SIPA1L3: variants seen among roughly 807,000 people sequenced by gnomAD.
SIPA1L3 encodes signal-induced proliferation-associated 1-like protein 3.
In SIPA1L3, 59 loss-of-function variants were observed where a neutral mutation model predicts 150.1. The observed-to-expected ratio is 0.39, with a 90% CI of 0.32 to 0.49. The LOEUF is 0.49. Among genes scored for constraint, SIPA1L3 ranks in the 20% least tolerant of loss-of-function variants. SIPA1L3 has a pLI of 0.86. For missense variants in SIPA1L3, 2,211 were observed against 2,489.5 expected (o/e 0.89, Z 2.38); for synonymous variants, 1,070 against 1,077.6 (o/e 0.99, Z 0.14).
chr19:38,117,346 G>T (rs764394285), intron 8 of SIPA1L3, among the ~76,000 whole-genome samples: 4 of 152,184 alleles, frequency 2.6e-5, no homozygotes, highest in Non-Finnish European at 5.9e-5. Context: ...GGGGCTGGGC[G>T]CAGTGGTTCA....
intron 1 of SIPA1L3, among the ~76,000 whole-genome samples, chr19:37,949,359 A>G (rs150974318): frequency 1.3e-5 from 2 of 152,298 alleles, no homozygotes; most frequent in African/African-American, 2.4e-5. Flanking sequence ...GTACATGCAC[A>G]GTTTTCATTC....
rs1237439140 is a variant in SIPA1L3 at position 38,123,270 on chromosome 19, TTTG to T, written c.2868+3391_2868+3393del. Among the ~76,000 whole-genome samples the T allele has an allele frequency of 2.4e-4, 35 of 148,760 alleles. 1 individual carries two copies. Among genetic ancestry groups the T allele is most frequent in the African/African-American group, 7.8e-4 (31 of 39,730 alleles). On this transcript the variant is annotated intron_variant, in intron 9 of 21. Coordinates refer to ENST00000222345, the MANE Select transcript of SIPA1L3 (RefSeq NM_015073.3). Reference sequence around the variant, plus strand: ...GTTTTGGAGTTTTTTTTTTGTTTTTTTTGTTTTTTTTTTAATTGATCATTCTTG... The same window carrying T: ...GTTTTGGAGTTTTTTTTTTGTTTTTTTTTTTTTTTTAATTGATCATTCTTG...
At chr19:37,913,629 C>G (rs1414570896) in intron 1 of SIPA1L3, among the ~76,000 whole-genome samples, 1 of 151,942 alleles carries the variant, frequency 6.6e-6, no homozygotes, top group Non-Finnish European at 1.5e-5. Context: ...CTCCTGACCT[C>G]AGGTGATCTG....
At chr19:37,985,436 G>A (rs775166700) in intron 1 of SIPA1L3, among the ~76,000 whole-genome samples, 31 of 152,140 alleles carry the variant, frequency 2.0e-4, no homozygotes, top group Non-Finnish European at 4.0e-4. Context: ...GCTGAGACAG[G>A]AGGATCACTT....
At chr19:38,070,545 T>C (rs1443840568) in intron 2 of SIPA1L3, among the ~76,000 whole-genome samples, 1 of 152,164 alleles carries the variant, frequency 6.6e-6, no homozygotes, top group African/African-American at 2.4e-5. Context: ...AGTAAATGAA[T>C]GGATTTCGAG....
intron 14 of SIPA1L3, 57 bp downstream of exon 14, chr19:38,162,428 C>A: frequency 7.8e-7 from 1 of 1,279,814 alleles, no homozygotes; most frequent in Non-Finnish European, 1.1e-6. Context: ...TGGGTGTGGC[C>A]TCTGAGCTTC....
rs1969078080 is a variant in SIPA1L3 at position 38,047,179 on chromosome 19, T to G, written c.-311+18023T>G. The stretch of plus-strand genomic sequence containing the variant: ...GGATTTGAACCCAGACCATCTGGCT[T>G]CATAATCACTCTGCTATACTTCCTG... On this transcript the variant is annotated intron_variant, in intron 2 of 21. Transcript: ENST00000222345. This position sits in a 1 kb window ranked among gnomAD's most constrained non-coding sequence, Gnocchi z 4.7. Among the ~76,000 whole-genome samples, 1 of 152,098 alleles carries G rather than the reference T, an allele frequency of 6.6e-6. No homozygotes were observed. Among genetic ancestry groups the G allele is most frequent in the Non-Finnish European group, 1.5e-5 (1 of 68,004 alleles).
chr19:37,970,756 A>G (rs1175755058), intron 1 of SIPA1L3, among the ~76,000 whole-genome samples: 1 of 152,240 alleles, frequency 6.6e-6, no homozygotes, highest in Non-Finnish European at 1.5e-5. Context: ...CTAGAGAGTC[A>G]CAACTACCTT....
chr19:38,188,637 T>C (rs1361199019), intron 16 of SIPA1L3, among the ~76,000 whole-genome samples: 2 of 152,002 alleles, frequency 1.3e-5, no homozygotes, highest in East Asian at 3.9e-4. Context: ...AAAGTAAGCC[T>C]CTCGGCCAGG....
intron 1 of SIPA1L3, among the ~76,000 whole-genome samples, chr19:37,973,243 T>TTC (rs1966984851): frequency 6.6e-6 from 1 of 150,612 alleles, no homozygotes; most frequent in African/African-American, 2.4e-5. Context: ...ATCTTTTTTT[T>TTC]TTTTTTTTTT....
chr19:37,999,009 A>C (rs201500097), intron 1 of SIPA1L3, among the ~76,000 whole-genome samples: 24 of 138,904 alleles, frequency 1.7e-4, no homozygotes, highest in African/African-American at 5.8e-4. Context: ...ACACACACAC[A>C]CACCCACACA....
At chr19:38,053,802 G>A (rs1226453146) in intron 2 of SIPA1L3, among the ~76,000 whole-genome samples, 4 of 151,984 alleles carry the variant, frequency 2.6e-5, no homozygotes, top group Non-Finnish European at 5.9e-5. Context: ...CTGGGCTCAG[G>A]TGATCCTCTC....
chr19:38,101,389 G>A (rs555523078), intron 6 of SIPA1L3, among the ~76,000 whole-genome samples, 163 bp downstream of exon 6: 28 of 152,212 alleles, frequency 1.8e-4, no homozygotes, highest in African/African-American at 5.5e-4. Context: ...TTATTTTTTC[G>A]TGTTGTTGTA....
chr19:38,126,990 C>T (rs111882616), intron 9 of SIPA1L3, among the ~76,000 whole-genome samples: 13 of 151,986 alleles, frequency 8.6e-5, no homozygotes, highest in African/African-American at 2.9e-4. Flanking sequence ...GTCAGGATTT[C>T]GACACCAGCC....
At chr19:38,092,370 T>TAA (rs528197351) in intron 4 of SIPA1L3, among the ~76,000 whole-genome samples, 15 of 144,592 alleles carry the variant, frequency 1.0e-4, no homozygotes, top group Admixed American at 3.5e-4. Context: ...AGTATAATAT[T>TAA]AAAAAAAAAA....
Position 38,193,724 on chromosome 19 carries a change from C to T in SIPA1L3, c.4784C>T (p.Pro1595Leu), listed in dbSNP as rs763198564. ...PARRQHQHPH[P>L]PVGPGATPAA... Reference sequence around the variant, plus strand: ...CGCCGCCAGCACCAGCACCCCCACCCGCCCGTCGGCCCCGGTGCCACCCCT... The same window carrying T: ...CGCCGCCAGCACCAGCACCCCCACCTGCCCGTCGGCCCCGGTGCCACCCCT... Residue 1595 changes from proline to leucine, a missense_variant, in exon 18 of 22, where the codon CCG becomes CTG. This residue lies in a region of SIPA1L3 where 806 missense variants were observed against 870.1 expected (regional missense o/e 0.93). Coordinates refer to ENST00000222345, the MANE Select transcript of SIPA1L3 (RefSeq NM_015073.3). The T allele has an allele frequency of 7.7e-6, 12 of 1,566,330 alleles. No individual in the cohort carries two copies. The highest frequency in any genetic ancestry group is 1.8e-5 in the Admixed American group (1 of 55,498).
chr19:38,089,141 G>A (rs1250956516), intron 4 of SIPA1L3, among the ~76,000 whole-genome samples: 1 of 151,920 alleles, frequency 6.6e-6, no homozygotes, highest in East Asian at 1.9e-4. Context: ...CCAACATGGC[G>A]AAACCCCATC....
intron 6 of SIPA1L3, among the ~76,000 whole-genome samples, chr19:38,103,048 G>A (rs184235797): frequency 2.6e-5 from 4 of 151,940 alleles, no homozygotes; most frequent in Non-Finnish European, 5.9e-5. Context: ...GCTTGAACCC[G>A]GGAGGCAGAG....
intron 12 of SIPA1L3, among the ~76,000 whole-genome samples, chr19:38,144,424 C>T (rs1470151923): frequency 6.6e-6 from 1 of 152,244 alleles, no homozygotes; most frequent in African/African-American, 2.4e-5. Context: ...GACCAGGGAT[C>T]AGGCCACCAA....
Sources: allele counts gnomAD v4.1 joint callset (sites outside exome capture counted in the v4.1 genomes callset), GRCh38; gene constraint gnomAD v4.1.1; regional missense constraint gnomAD v4.1.1; non-coding constraint Gnocchi (gnomAD v3.1); transcripts MANE v1.5; gene names NCBI Gene and HGNC (gene_info 2026-07-23, HGNC 2026-07-21).